ARHGAP6: variants seen among roughly 807,000 people sequenced by gnomAD.
ARHGAP6 encodes the protein rho GTPase-activating protein 6.
In ARHGAP6, 16 loss-of-function variants were observed where a neutral mutation model predicts 55.7. That is an observed-to-expected ratio of 0.29 (90% CI 0.19 to 0.44). The LOEUF (loss-of-function observed/expected upper bound fraction) is 0.44, where lower values mean the gene tolerates loss of function less well. ARHGAP6 is among the 20% of genes least tolerant of loss of function. The pLI is 1.00. For missense variants in ARHGAP6, 698 were observed against 808.9 expected, an observed-to-expected ratio of 0.86 and a Z score of 1.66; for synonymous variants, 382 against 360.9, an observed-to-expected ratio of 1.06 and a Z score of -0.66.
In ARHGAP6 at chrX:11,343,313, T is replaced by C. The variant is rs1007334428; in HGVS notation, c.589-88606A>G. ...GCATTCATAAAACTACTAGGCTTGT[T>C]CTTAAGCAAAGCTTGCTGTTGCTAG... On this transcript the variant is annotated intron_variant, in intron 1 of 12. Coordinates refer to ENST00000337414, the MANE Select transcript of ARHGAP6 (RefSeq NM_013427.3). 3.6e-5 allele frequency among the ~76,000 whole-genome samples: 4 copies of C among 112,509 alleles called. No individual in the cohort carries two copies. In the Admixed American group the frequency reaches 3.8e-4, roughly 11 times the overall value.
intron 1 of ARHGAP6, among the ~76,000 whole-genome samples, chrX:11,491,659 A>T (rs756760978): frequency 8.9e-6 from 1 of 111,789 alleles, no homozygotes; most frequent in East Asian, 2.8e-4. Flanking sequence ...TTGTGAATAG[A>T]GCTGCAATAA....
intron 10 of ARHGAP6, chrX:11,145,154 G>T (rs887522325): frequency 8.9e-6 from 1 of 112,707 alleles, no homozygotes; most frequent in African/African-American, 3.2e-5. Flanking sequence ...TTGATTAAAA[G>T]TTCCAGAACC....
At chrX:11,575,460 T>A (rs1434108133) in intron 1 of ARHGAP6, among the ~76,000 whole-genome samples, 1 of 111,506 alleles carries the variant, frequency 9.0e-6, no homozygotes, top group Admixed American at 9.6e-5. Context: ...TAATAATGAA[T>A]TTAGAACTGG....
At chrX:11,351,324 T>C in intron 1 of ARHGAP6, 1 of 944,844 alleles carries the variant, frequency 1.1e-6, no homozygotes, top group Middle Eastern at 3.1e-4. Flanking sequence ...AGAGCTACTA[T>C]ATTAAAATAA....
At chrX:11,301,443 T>C (rs1356161040) in intron 1 of ARHGAP6, among the ~76,000 whole-genome samples, 1 of 111,805 alleles carries the variant, frequency 8.9e-6, no homozygotes. Flanking sequence ...ATTTGAATCC[T>C]TTTTTCTTCC....
At chrX:11,183,962 C>T (rs938876177) in intron 5 of ARHGAP6, among the ~76,000 whole-genome samples, 3 of 111,665 alleles carry the variant, frequency 2.7e-5, no homozygotes, top group Non-Finnish European at 5.6e-5. Context: ...ATTTTCTCTT[C>T]ATTTGAGACA....
intron 12 of ARHGAP6, 113 bp downstream of exon 12, chrX:11,142,120 T>C (rs1449216921): frequency 6.6e-6 from 3 of 455,062 alleles, no homozygotes; most frequent in African/African-American, 5.0e-5. Flanking sequence ...CCCCTCCCAT[T>C]TTCAGCATTT....
intron 1 of ARHGAP6, among the ~76,000 whole-genome samples, chrX:11,536,078 G>C (rs755488093): frequency 9.0e-6 from 1 of 111,618 alleles, no homozygotes; most frequent in East Asian, 2.8e-4. Flanking sequence ...CATAGAGCAA[G>C]GCTGGTGGGC....
At chrX:11,441,707 T>C (rs968343185) in intron 1 of ARHGAP6, among the ~76,000 whole-genome samples, 1 of 111,919 alleles carries the variant, frequency 8.9e-6, no homozygotes, top group African/African-American at 3.2e-5. Context: ...TCGAGAGTCA[T>C]GAGATTTTCT....
intron 1 of ARHGAP6, among the ~76,000 whole-genome samples, chrX:11,324,834 C>T (rs915629368): frequency 1.3e-4 from 15 of 112,191 alleles, no homozygotes; most frequent in Non-Finnish European, 2.8e-4. Flanking sequence ...ATATATGCAG[C>T]ACAAAGTAGT....
chrX:11,471,260 A>G (rs1393204817), intron 1 of ARHGAP6, among the ~76,000 whole-genome samples: 1 of 112,269 alleles, frequency 8.9e-6, no homozygotes, highest in Non-Finnish European at 1.9e-5. Context: ...TAAAATAACC[A>G]GAAACAACAA....
At chrX:11,538,828 CTGTGTG>C (rs1231490909) in intron 1 of ARHGAP6, among the ~76,000 whole-genome samples, 12 of 101,703 alleles carry the variant, frequency 1.2e-4, no homozygotes, top group Admixed American at 2.1e-4. Context: ...GTGGGGACCA[CTGTGTG>C]TGTGTGTGTG....
At chrX:11,230,492 G>C (rs780532022) in intron 2 of ARHGAP6, among the ~76,000 whole-genome samples, 1 of 111,126 alleles carries the variant, frequency 9.0e-6, no homozygotes, top group Non-Finnish European at 1.9e-5. Flanking sequence ...CACCGCGCCC[G>C]GCCAAAAGTT....
intron 8 of ARHGAP6, among the ~76,000 whole-genome samples, chrX:11,174,592 T>TTTTC (rs796990912): frequency 4.9e-4 from 33 of 67,439 alleles, no homozygotes; most frequent in East Asian, 2.3e-3. Flanking sequence ...CTTTCTTTCT[T>TTTTC]TTTCTTTCTT....
chrX:11,206,638 C>T lies in ARHGAP6; in HGVS notation c.749-9642G>A, dbSNP rs148422055. ...TACTTTAGAAAATTATAGGTTTTGC[C>T]TTGTTATATTACTTACAGTCAAAAT... On this transcript the variant is annotated intron_variant, in intron 2 of 12. Transcript: ENST00000337414. Among the ~76,000 whole-genome samples, 904 of 110,860 alleles carry T rather than the reference C, an allele frequency of 8.2e-3. 9 individuals are homozygous for T. Among genetic ancestry groups the T allele is most frequent in the African/African-American group, 0.028 (859 of 30,480 alleles).
At chrX:11,502,745 C>T (rs1022617968) in intron 1 of ARHGAP6, among the ~76,000 whole-genome samples, 2 of 111,497 alleles carry the variant, frequency 1.8e-5, no homozygotes, top group African/African-American at 6.5e-5. Flanking sequence ...CTCTAGCTTA[C>T]TTTATTGGAA....
At chrX:11,596,392 G>T in intron 1 of ARHGAP6, among the ~76,000 whole-genome samples, 1 of 111,176 alleles carries the variant, frequency 9.0e-6, no homozygotes, top group East Asian at 2.8e-4. Context: ...TGGACATAGG[G>T]AGGGGAACAT....
intron 1 of ARHGAP6, among the ~76,000 whole-genome samples, chrX:11,347,231 C>T (rs181972281): frequency 3.7e-4 from 42 of 112,121 alleles, no homozygotes; most frequent in African/African-American, 1.4e-3. Flanking sequence ...TCTTTCAGTC[C>T]TTACAAAATA....
chrX:11,252,037 G>A (rs1048127551), intron 2 of ARHGAP6, among the ~76,000 whole-genome samples: 2 of 111,995 alleles, frequency 1.8e-5, no homozygotes, highest in African/African-American at 3.2e-5. Flanking sequence ...CAAACATTTC[G>A]ATAGCACAAA....
Sources: allele counts gnomAD v4.1 joint callset (sites outside exome capture counted in the v4.1 genomes callset), GRCh38; gene constraint gnomAD v4.1.1; transcripts MANE v1.5; gene names NCBI Gene and HGNC (gene_info 2026-07-23, HGNC 2026-07-21).